Variants in WNT8B observed in about 807,000 individuals in gnomAD.
WNT8B encodes the protein protein Wnt-8b.
In WNT8B, 24 loss-of-function variants were observed where a neutral mutation model predicts 36.6. The observed-to-expected ratio is 0.66, with a 90% CI of 0.48 to 0.92. The LOEUF (loss-of-function observed/expected upper bound fraction) is 0.92. WNT8B is among the 40% of genes least tolerant of loss of function. WNT8B has a pLI of 0.00. For missense variants in WNT8B, 402 were observed against 470.8 expected (o/e 0.85, Z 1.35); for synonymous variants, 199 against 189.8 (o/e 1.05, Z -0.40).
chr10:100,472,844 T>C (rs551249678), intron 1 of WNT8B, among the ~76,000 whole-genome samples: 11 of 152,378 alleles, frequency 7.2e-5, no homozygotes, highest in African/African-American at 2.4e-4. Flanking sequence ...CTAACCTCTG[T>C]GTACATATGC....
In WNT8B at chr10:100,476,592, A is replaced by T. The variant is rs1851040662; in HGVS notation, c.69-2460A>T. ...GCCTTCAGAATTGCAGGGGTACACCAGCATGGAACAATACATAATGATTCC... is the reference window on the plus strand; with the variant it reads ...GCCTTCAGAATTGCAGGGGTACACCTGCATGGAACAATACATAATGATTCC... On this transcript the variant is annotated intron_variant, in intron 1 of 5. Transcript: ENST00000343737. Among the ~76,000 whole-genome samples, 2 of 60,088 alleles carry T rather than the reference A, an allele frequency of 3.3e-5. 1 individual carries two copies. The highest frequency in any genetic ancestry group is 8.4e-4 in the South Asian group (2 of 2,378). The allele number at this position is 60,088 out of a possible 152,430, so 39.4% of individuals were successfully genotyped here. A position where few individuals can be genotyped will look rare whatever the true frequency, so the allele number is the denominator to read the frequency against.
intron 1 of WNT8B, among the ~76,000 whole-genome samples, chr10:100,476,105 C>A (rs959457737): frequency 2.0e-5 from 3 of 148,376 alleles, no homozygotes; most frequent in South Asian, 4.3e-4. Flanking sequence ...TCCTGGCAAA[C>A]ACAGTGAAAC....
intron 1 of WNT8B, among the ~76,000 whole-genome samples, chr10:100,478,738 T>C (rs1315770034): frequency 1.3e-5 from 2 of 152,028 alleles, no homozygotes; most frequent in Non-Finnish European, 1.5e-5. Flanking sequence ...CCTGCCACCA[T>C]GCCCCGCTAA....
rs1850914468 is a variant in WNT8B, at chr10:100,467,039, T to G, written c.68+3803T>G. On this transcript the variant is annotated intron_variant, in intron 1 of 5. Transcript: ENST00000343737. ...TAACAGCTGAGGGAAACACTGAGCT[T>G]GGGTCACATAAATAACATTCCCCAT... 2.6e-5 allele frequency among the ~76,000 whole-genome samples: 4 copies of G among 152,206 alleles called. No individual in the cohort carries two copies. In the South Asian group the frequency reaches 8.3e-4, roughly 32 times the overall value.
At chr10:100,473,415 T>C (rs11190573) in intron 1 of WNT8B, among the ~76,000 whole-genome samples, 32,431 of 152,114 alleles carry the variant, frequency 0.21, 3,550 homozygotes, top group South Asian at 0.23. Context: ...ACCCTTTATT[T>C]ATTAGCATTC....
intron 2 of WNT8B, among the ~76,000 whole-genome samples, chr10:100,479,452 G>T (rs1458888082): frequency 6.6e-6 from 1 of 152,160 alleles, no homozygotes; most frequent in East Asian, 1.9e-4. Flanking sequence ...ACATTCATGG[G>T]CATTTTCAGT....
Position 100,463,370 on chromosome 10 carries a change from G to A in WNT8B, c.68+134G>A, listed in dbSNP as rs569691529. On this transcript the variant is annotated intron_variant, in intron 1 of 5. Transcript: ENST00000343737. The stretch of plus-strand genomic sequence containing the variant: ...TAGGAAAAACTGTTCTATGGGGTAG[G>A]GCTCTTCCTAAATTTATGGCTGATT... 20 of 747,672 alleles carry A rather than the reference G, an allele frequency of 2.7e-5. No homozygotes were observed. The East Asian group carries it at 5.0e-4, about 19-fold the overall frequency. 46.3% of individuals were successfully genotyped at this position (747,672 alleles called of 1,614,324 possible). A position where few individuals can be genotyped will look rare whatever the true frequency, so the allele number is the denominator to read the frequency against.
chr10:100,463,636 A>T (rs1386836474), intron 1 of WNT8B, among the ~76,000 whole-genome samples: 1 of 152,016 alleles, frequency 6.6e-6, no homozygotes. Flanking sequence ...ATTCAATGGG[A>T]TCTTACTTTG....
intron 4 of WNT8B, 118 bp from the exon 5 acceptor site, chr10:100,481,794 C>T (rs1589726372): frequency 1.4e-6 from 2 of 1,417,874 alleles, no homozygotes; most frequent in Non-Finnish European, 1.9e-6. Context: ...GGGCACTCGC[C>T]CAACCTTAAT....
chr10:100,482,961 C>A lies in WNT8B; in HGVS notation c.*145C>A. ...GAGACTGCAATTTCTCCAAAGCTTG[C>A]CACTTTCCAGCCTGTTTCCCCAATT... On this transcript the variant is annotated 3_prime_UTR_variant, in exon 6 of 6. Transcript: ENST00000343737. This position sits in a 1 kb window ranked among gnomAD's most constrained non-coding sequence, Gnocchi z 6.6. 2.1e-6 allele frequency: 2 copies of A among 965,810 alleles called. No individual in the cohort carries two copies. Among genetic ancestry groups the A allele is most frequent in the South Asian group, 2.0e-5 (1 of 49,916 alleles). The allele number at this position is 965,810 out of a possible 1,614,324, so 59.8% of individuals were successfully genotyped here.
chr10:100,477,600 C>T (rs1851054668), intron 1 of WNT8B, among the ~76,000 whole-genome samples: 1 of 152,056 alleles, frequency 6.6e-6, no homozygotes. Context: ...CACCCGGCCA[C>T]AGTTTTTTAA....
At chr10:100,479,152 A>G in intron 2 of WNT8B, 67 bp downstream of exon 2, 1 of 1,447,370 alleles carries the variant, frequency 6.9e-7, no homozygotes, top group Non-Finnish European at 9.4e-7. Context: ...AAGATGATAA[A>G]TGCAGATTTT....
chr10:100,482,340 T>A lies in WNT8B; in HGVS notation c.580T>A (p.Cys194Ser). 6.2e-7 allele frequency: 1 copy of A among 1,603,820 alleles called. No individual in the cohort carries two copies. Among genetic ancestry groups the A allele is most frequent in the Non-Finnish European group, 8.5e-7 (1 of 1,179,832 alleles). Residue 194 changes from cysteine to serine, a missense_variant, in exon 6 of 6, where the codon TGT (cysteine) becomes AGT (serine). Around this residue, in one of 3 missense-constraint regions of WNT8B, gnomAD observed 256 missense variants for 278.6 expected, o/e 0.92. Transcript: ENST00000343737. The surrounding 1 kb of genome is among the most constrained non-coding windows in gnomAD (Gnocchi z 6.6). ...GTCTGGCAGCTGCACCACGCAGACCTGTTGGCTGCAGCTGCCCGAGTTCCG... is the reference window on the plus strand; with the variant it reads ...GTCTGGCAGCTGCACCACGCAGACCAGTTGGCTGCAGCTGCCCGAGTTCCG... ...GVSGSCTTQT[C>S]WLQLPEFREV...
At position 100,483,325 on chromosome 10, in the gene WNT8B, C is replaced by G. The variant is rs1723989054; in HGVS notation, c.*509C>G. ...TCTTGAATGCTTTCTCTCCTCTTCT[C>G]CCTTTCCTTTCCCAGAAAAACTGAG... On this transcript the variant is annotated 3_prime_UTR_variant, in exon 6 of 6. Coordinates refer to ENST00000343737, the MANE Select transcript of WNT8B (RefSeq NM_003393.4). The G allele has an allele frequency of 6.5e-6, 1 of 152,988 alleles. No homozygotes were observed. The highest frequency in any genetic ancestry group is 3.1e-3 in the Middle Eastern group (1 of 318). 9.5% of individuals were successfully genotyped at this position (152,988 alleles called of 1,614,324 possible).
chr10:100,464,630 G>T (rs1413055888), intron 1 of WNT8B, among the ~76,000 whole-genome samples: 1 of 152,152 alleles, frequency 6.6e-6, no homozygotes, highest in Non-Finnish European at 1.5e-5. Context: ...CTGAAAGGTG[G>T]CTGGGTTGCT....
chr10:100,472,259 C>T (rs886809974), intron 1 of WNT8B, among the ~76,000 whole-genome samples: 3 of 151,506 alleles, frequency 2.0e-5, no homozygotes, highest in Admixed American at 6.6e-5. Flanking sequence ...TACAGGCACC[C>T]GCCACCACAC....
rs1851139401 is a variant in WNT8B at position 100,482,968 on chromosome 10, C to T, written c.*152C>T. On this transcript the variant is annotated 3_prime_UTR_variant, in exon 6 of 6. Coordinates refer to ENST00000343737, the MANE Select transcript of WNT8B (RefSeq NM_003393.4). The surrounding 1 kb of genome is among the most constrained non-coding windows in gnomAD (Gnocchi z 6.6). Reference sequence around the variant, plus strand: ...CAATTTCTCCAAAGCTTGCCACTTTCCAGCCTGTTTCCCCAATTCCTCTGT... The same window carrying T: ...CAATTTCTCCAAAGCTTGCCACTTTTCAGCCTGTTTCCCCAATTCCTCTGT... 1.1e-6 allele frequency: 1 copy of T among 905,210 alleles called. No individual in the cohort carries two copies. The highest frequency in any genetic ancestry group is 1.6e-6 in the Non-Finnish European group (1 of 631,660). 56.1% of individuals were successfully genotyped at this position (905,210 alleles called of 1,614,324 possible).
In WNT8B at chr10:100,483,010, GTC is replaced by G; in HGVS notation, c.*196_*197del. The G allele has an allele frequency of 1.7e-6, 1 of 600,822 alleles. No homozygotes were observed. The allele number at this position is 600,822 out of a possible 1,614,324, so 37.2% of individuals were successfully genotyped here. A position where few individuals can be genotyped will look rare whatever the true frequency, so the allele number is the denominator to read the frequency against. On this transcript the variant is annotated 3_prime_UTR_variant, in exon 6 of 6. Coordinates refer to ENST00000343737, the MANE Select transcript of WNT8B (RefSeq NM_003393.4). ...TTCCTCTGTGCTCTCCTAGAGCTCT[GTC>G]TGAATCCTCGCAGCCACACCTAGGT...
At chr10:100,479,157 G>T in intron 2 of WNT8B, 72 bp downstream of exon 2, 2 of 1,380,840 alleles carry the variant, frequency 1.4e-6, no homozygotes, top group South Asian at 2.6e-5. Context: ...GATAAATGCA[G>T]ATTTTTCATT....
Sources: allele counts gnomAD v4.1 joint callset (sites outside exome capture counted in the v4.1 genomes callset), GRCh38; gene constraint gnomAD v4.1.1; regional missense constraint gnomAD v4.1.1; non-coding constraint Gnocchi (gnomAD v3.1); transcripts MANE v1.5; gene names NCBI Gene and HGNC (gene_info 2026-07-23, HGNC 2026-07-21).